Variants in SLC39A10 observed in about 807,000 individuals in gnomAD.
The protein encoded by SLC39A10 is zinc transporter ZIP10.
Under a neutral mutation model 65.1 loss-of-function variants are expected in SLC39A10, and 13 were observed. The observed-to-expected ratio is 0.20, with a 90% CI of 0.13 to 0.32. The LOEUF (loss-of-function observed/expected upper bound fraction) is 0.32. Among genes scored for constraint, SLC39A10 ranks in the 10% least tolerant of loss-of-function variants. The pLI is 1.00. For synonymous variants in SLC39A10, 321 were observed against 342.2 expected, an observed-to-expected ratio of 0.94 and a Z score of 0.68; for missense variants, 831 against 1,018.4, an observed-to-expected ratio of 0.82 and a Z score of 2.50.
At chr2:195,672,710 G>A (rs1422277966) in intron 1 of SLC39A10, among the ~76,000 whole-genome samples, 4 of 152,090 alleles carry the variant, frequency 2.6e-5, no homozygotes, top group Non-Finnish European at 5.9e-5. Context: ...TGTGTTTCGT[G>A]GAGTCATTCA....
rs1291547907 is a variant in SLC39A10, at chr2:195,692,087, C to T, written c.1216+8181C>T. Among the ~76,000 whole-genome samples, 3 of 152,186 alleles carry T rather than the reference C, an allele frequency of 2.0e-5. No homozygotes were observed. The South Asian group carries it at 6.2e-4, about 32-fold the overall frequency. ...ACATATGGCTTACCAGTTATCCCAG[C>T]ACCATTTGTTAAATAGGGTGTCCTT... is the stretch of plus-strand genomic sequence containing the variant. On this transcript the variant is annotated intron_variant, in intron 3 of 9. Coordinates refer to ENST00000359634, the MANE Select transcript of SLC39A10 (RefSeq NM_020342.3).
intron 7 of SLC39A10, 90 bp from the exon 8 acceptor site, chr2:195,718,158 TTAGA>T: frequency 6.1e-6 from 6 of 983,204 alleles, no homozygotes; most frequent in South Asian, 1.6e-5. Context: ...AGAAATTAAT[TTAGA>T]TAGGCAAAAG....
At chr2:195,649,590 T>G (rs2105712152) in intron 2 of SLC39A10, among the ~76,000 whole-genome samples, 1 of 152,362 alleles carries the variant, frequency 6.6e-6, no homozygotes, top group East Asian at 1.9e-4. Flanking sequence ...AATGAGCCTT[T>G]TTAAAAAAAT....
At chr2:195,726,866 C>T (rs975573136) in intron 8 of SLC39A10, among the ~76,000 whole-genome samples, 2 of 152,106 alleles carry the variant, frequency 1.3e-5, no homozygotes, top group African/African-American at 2.4e-5. Context: ...TATTCTGTAT[C>T]GCACCTTGCA....
chr2:195,655,742 G>T (rs116411773), upstream of SLC39A10, among the ~76,000 whole-genome samples: 1,019 of 152,314 alleles, frequency 6.7e-3, 7 homozygotes, highest in African/African-American at 0.023. Flanking sequence ...AAGCAGGAGT[G>T]AGGTCCATGC....
chr2:195,702,135 G>A (rs1234759958), intron 3 of SLC39A10, among the ~76,000 whole-genome samples: 4 of 152,170 alleles, frequency 2.6e-5, no homozygotes, highest in Admixed American at 2.0e-4. Context: ...AGAGGTGCTG[G>A]CCTTTTAAAT....
chr2:195,721,912 G>A (rs1326475028), intron 8 of SLC39A10, among the ~76,000 whole-genome samples: 1 of 152,166 alleles, frequency 6.6e-6, no homozygotes, highest in Non-Finnish European at 1.5e-5. Flanking sequence ...CTCAGACACA[G>A]AATTGAAAAC....
At chr2:195,726,192 A>C (rs931369554) in intron 8 of SLC39A10, among the ~76,000 whole-genome samples, 1 of 152,208 alleles carries the variant, frequency 6.6e-6, no homozygotes, top group Non-Finnish European at 1.5e-5. Context: ...TTGCTATGGC[A>C]ACAAAGTTGG....
chr2:195,675,033 A>G (rs1040694820), intron 1 of SLC39A10, among the ~76,000 whole-genome samples: 3 of 152,114 alleles, frequency 2.0e-5, no homozygotes, highest in African/African-American at 2.4e-5. Context: ...GGACATTACT[A>G]TACACTACTG....
At chr2:195,650,304 GA>G (rs61332474) in intron 2 of SLC39A10, among the ~76,000 whole-genome samples, 1 of 147,508 alleles carries the variant, frequency 6.8e-6, no homozygotes, top group Non-Finnish European at 1.5e-5. Flanking sequence ...AAAAAGAAAA[GA>G]AAAAAATTGG....
intron 1 of SLC39A10, among the ~76,000 whole-genome samples, chr2:195,673,323 A>AT (rs995583229): frequency 6.6e-6 from 1 of 151,660 alleles, no homozygotes; most frequent in Non-Finnish European, 1.5e-5. Flanking sequence ...TGCCCAACTA[A>AT]TTTTTTTTGT....
chr2:195,643,731 T>C (rs1433268373), intron 2 of SLC39A10, among the ~76,000 whole-genome samples: 1 of 152,224 alleles, frequency 6.6e-6, no homozygotes, highest in African/African-American at 2.4e-5. Flanking sequence ...TACTGCCCAA[T>C]AATCTTAGCC....
intron 5 of SLC39A10, among the ~76,000 whole-genome samples, chr2:195,709,193 T>TTGTATGTATGTATGTATGTA (rs59346406): frequency 6.9e-6 from 1 of 144,916 alleles, no homozygotes; most frequent in African/African-American, 2.6e-5. Flanking sequence ...CCCAGCTAAC[T>TTGTATGTATGTATGTATGTA]TGTATGTATG....
chr2:195,703,718 A>T (rs1228862468), intron 3 of SLC39A10, among the ~76,000 whole-genome samples: 2 of 152,124 alleles, frequency 1.3e-5, no homozygotes, highest in African/African-American at 4.8e-5. Context: ...CAGTGGCATG[A>T]TCTTGGCTTA....
chr2:195,660,060 A>G (rs1011805409), intron 1 of SLC39A10, among the ~76,000 whole-genome samples: 6 of 151,682 alleles, frequency 4.0e-5, no homozygotes, highest in African/African-American at 1.5e-4. Context: ...GAGGGGGTAC[A>G]TACTGCACAG....
rs1553491765 is a variant in SLC39A10, at chr2:195,625,222, A to AAAAAG, written c.-12+18992_-12+18993insAGAAA. ...ACAGAGGGACACTCTGTCTCAAAAA[A>AAAAAG]AAAGAAAGAAAGAAAGAAAGAAAGA... On this transcript the variant is annotated intron_variant, in intron 2 of 2. Coordinates refer to the SLC39A10 transcript ENST00000458054. 7.7e-3 allele frequency among the ~76,000 whole-genome samples: 868 copies of AAAAAG among 112,260 alleles called. 19 individuals carry two copies. Among genetic ancestry groups the AAAAAG allele is most frequent in the African/African-American group, 0.025 (818 of 32,618 alleles). 73.6% of individuals were successfully genotyped at this position (112,260 alleles called of 152,430 possible).
At chr2:195,623,346 C>T (rs979805275) in intron 2 of SLC39A10, among the ~76,000 whole-genome samples, 2 of 152,136 alleles carry the variant, frequency 1.3e-5, no homozygotes, top group Non-Finnish European at 2.9e-5. Flanking sequence ...AGTAGTAATA[C>T]TTAAATATTA....
intron 1 of SLC39A10, among the ~76,000 whole-genome samples, chr2:195,672,551 T>G (rs922072334): frequency 1.3e-5 from 2 of 152,276 alleles, no homozygotes; most frequent in Admixed American, 1.3e-4. Flanking sequence ...CTCATAACGT[T>G]GCTTGTATCA....
intron 8 of SLC39A10, among the ~76,000 whole-genome samples, chr2:195,719,318 C>G (rs1574310605): frequency 6.6e-6 from 1 of 152,046 alleles, no homozygotes; most frequent in Non-Finnish European, 1.5e-5. Flanking sequence ...CTCTCCATCC[C>G]GATTACGATG....
Sources: gnomAD v4.1 joint callset for allele counts (sites outside exome capture counted in the v4.1 genomes callset) on GRCh38, gnomAD v4.1.1 for gene constraint, MANE v1.5 for transcripts, NCBI Gene and HGNC (gene_info 2026-07-23, HGNC 2026-07-21) for gene names.